Variants in PADI3 observed in about 807,000 individuals in gnomAD.
The protein encoded by PADI3 is protein-arginine deiminase type-3.
In PADI3, 53 loss-of-function variants were observed where a neutral mutation model predicts 71.5. That is an observed-to-expected ratio of 0.74 (90% CI 0.59 to 0.93). The LOEUF (loss-of-function observed/expected upper bound fraction) is 0.93, where lower values mean the gene tolerates loss of function less well. Among genes scored for constraint, PADI3 ranks in the 40% least tolerant of loss-of-function variants. The pLI, the probability that PADI3 is intolerant of heterozygous loss-of-function variation, is 0.00. For missense variants in PADI3, 821 were observed against 868.0 expected (o/e 0.95, Z 0.68); for synonymous variants, 361 against 347.5 (o/e 1.04, Z -0.43).
chr1:17,260,940 A>G (rs2073095267), intron 2 of PADI3, among the ~76,000 whole-genome samples: 1 of 151,238 alleles, frequency 6.6e-6, no homozygotes, highest in African/African-American at 2.4e-5. Flanking sequence ...GGAAGTTCAG[A>G]GTCTCTCCCA....
At chr1:17,275,298 G>A (rs371209438) in intron 11 of PADI3, among the ~76,000 whole-genome samples, 14 of 151,316 alleles carry the variant, frequency 9.3e-5, no homozygotes, top group East Asian at 1.9e-4. Context: ...TTAGCCAGGC[G>A]TGGTGGCAGG....
Position 17,267,916 on chromosome 1 carries a change from T to C in PADI3, c.606T>C (p.His202=). 6.2e-7 allele frequency: 1 copy of C among 1,614,182 alleles called. No homozygotes were observed. The highest frequency in any genetic ancestry group is 1.3e-5 in the African/African-American group (1 of 75,066). The stretch of plus-strand genomic sequence containing the variant: ...TTGATGACCACAAACTTGTCCTCCA[T>C]ACCTCCAGCTATGATGCCAAACGGG... The part of the protein sequence containing the change: ...ALFDDHKLVL[H]TSSYDAKRAQ... The change falls in exon 6 of 16, where the codon CAT becomes CAC. Residue 202 remains histidine (H), a synonymous_variant. Transcript: ENST00000375460.
chr1:17,279,287 C>A (rs553863572), intron 13 of PADI3, among the ~76,000 whole-genome samples: 2 of 152,284 alleles, frequency 1.3e-5, no homozygotes, highest in South Asian at 2.1e-4. Context: ...CACCTCAGTG[C>A]GCCAGGCCTC....
Position 17,283,286 on chromosome 1 carries a change from C to CTT in PADI3, c.*207_*208insTT, listed in dbSNP as rs2073424174. ...TGTGGTTCTCAGACTTGAATCTTCTCGGCCCCCCAAAAAGAAGGACCTCAT... is the reference window on the plus strand; with the variant it reads ...TGTGGTTCTCAGACTTGAATCTTCTCTTGGCCCCCCAAAAAGAAGGACCTCAT... On this transcript the variant is annotated 3_prime_UTR_variant, in exon 16 of 16. Transcript: ENST00000375460. 1.8e-6 allele frequency: 1 copy of CTT among 551,996 alleles called. No homozygotes were observed. The highest frequency in any genetic ancestry group is 2.4e-5 in the South Asian group (1 of 42,428). The allele number at this position is 551,996 out of a possible 1,614,324, so 34.2% of individuals were successfully genotyped here. A position where few individuals can be genotyped will look rare whatever the true frequency, so the allele number is the denominator to read the frequency against.
chr1:17,257,628 G>C (rs991963310), intron 1 of PADI3, among the ~76,000 whole-genome samples: 1 of 152,244 alleles, frequency 6.6e-6, no homozygotes, highest in Non-Finnish European at 1.5e-5. Flanking sequence ...GCCTGATGGA[G>C]AGAAGCTTGG....
chr1:17,268,684 T>C (rs544810935), intron 6 of PADI3, among the ~76,000 whole-genome samples: 4 of 151,714 alleles, frequency 2.6e-5, no homozygotes, highest in Non-Finnish European at 5.9e-5. Flanking sequence ...ATTTTTTGTA[T>C]TTTTAGTAGA....
chr1:17,269,044 C>T (rs2073210299), intron 6 of PADI3, among the ~76,000 whole-genome samples: 1 of 150,288 alleles, frequency 6.7e-6, no homozygotes, highest in Non-Finnish European at 1.5e-5. Flanking sequence ...TACCACCACA[C>T]CCTGCTAATT....
chr1:17,276,576 G>T lies in PADI3; in HGVS notation c.1365G>T (p.Val455=), dbSNP rs775508629. The change falls in exon 12 of 16, where the codon GTG becomes GTT. Residue 455 remains valine (V), a synonymous_variant. Coordinates refer to ENST00000375460, the MANE Select transcript of PADI3 (RefSeq NM_016233.2). ...GGGACTTCCTCCATGCCCAGAAGGT[G>T]CAGCCCCCCGTGGAGCTCTTTGTGG... ...VVRDFLHAQK[V]QPPVELFVDW... 6.2e-7 allele frequency: 1 copy of T among 1,614,194 alleles called. No homozygotes were observed. Among genetic ancestry groups the T allele is most frequent in the South Asian group, 1.1e-5 (1 of 91,084 alleles).
At chr1:17,252,701 G>A (rs555059434) in intron 1 of PADI3, among the ~76,000 whole-genome samples, 6 of 152,198 alleles carry the variant, frequency 3.9e-5, no homozygotes, top group African/African-American at 4.8e-5. Context: ...ACCGTGTCTG[G>A]CCCAGTTTCA....
At chr1:17,282,640 C>A (rs2073415146) in intron 15 of PADI3, among the ~76,000 whole-genome samples, 1 of 152,230 alleles carries the variant, frequency 6.6e-6, no homozygotes, top group South Asian at 2.1e-4. Context: ...GAGCACGTTG[C>A]CAGAGTGAGT....
intron 1 of PADI3, among the ~76,000 whole-genome samples, chr1:17,253,783 G>T (rs2072995040): frequency 6.6e-6 from 1 of 152,138 alleles, no homozygotes; most frequent in African/African-American, 2.4e-5. Flanking sequence ...CTGCCTAATG[G>T]AGCCAGGACT....
At chr1:17,280,491 G>C in intron 14 of PADI3, 62 bp downstream of exon 14, 1 of 1,514,032 alleles carries the variant, frequency 6.6e-7, no homozygotes, top group South Asian at 1.1e-5. Flanking sequence ...TGGAGGCAAG[G>C]ATGGGATACA....
Position 17,267,818 on chromosome 1 carries a change from A to G in PADI3, c.527-19A>G, listed in dbSNP as rs1365667797. ...GCCAGGACTCCCTTGAGTCACTACC[A>G]CTCTGTCTGGCTTCACAGACCTGGA... is the stretch of plus-strand genomic sequence containing the variant. On this transcript the variant is annotated intron_variant, in intron 5 of 15. Coordinates refer to ENST00000375460, the MANE Select transcript of PADI3 (RefSeq NM_016233.2). 6.2e-7 allele frequency: 1 copy of G among 1,612,412 alleles called. No individual in the cohort carries two copies.
Position 17,265,517 on chromosome 1 carries a change from G to A in PADI3, c.347-142G>A, listed in dbSNP as rs138813013. The A allele has an allele frequency of 1.8e-3, 1,296 of 728,424 alleles. 27 individuals are homozygous for A. In the East Asian group the frequency reaches 0.031, roughly 18 times the overall value. 45.1% of individuals were successfully genotyped at this position (728,424 alleles called of 1,614,324 possible). On this transcript the variant is annotated intron_variant, in intron 3 of 15. Transcript: ENST00000375460. ...CTCAGGCCTCTTTCCCCAGCCCAGA[G>A]GGTGCAGATGCCCTCACCTCTTGGA...
Position 17,283,051 on chromosome 1 carries a change from C to T in PADI3, c.1967C>T (p.Ser656Phe). The change falls in exon 16 of 16, where the codon TCT (serine) becomes TTT (phenylalanine). Residue 656 changes from serine to phenylalanine, a missense_variant. By Grantham distance (155) the Ser-to-Phe change is radical. Transcript: ENST00000375460. ...CGTNVCRKPFSFKWWNMVP is the reference protein window; with the variant it reads ...CGTNVCRKPFFFKWWNMVP Reference sequence around the variant, plus strand: ...ACCAATGTGTGCAGAAAGCCCTTCTCTTTCAAGTGGTGGAACATGGTGCCC... The same window carrying T: ...ACCAATGTGTGCAGAAAGCCCTTCTTTTTCAAGTGGTGGAACATGGTGCCC... 6.2e-7 allele frequency: 1 copy of T among 1,614,158 alleles called. No individual in the cohort carries two copies. The highest frequency in any genetic ancestry group is 1.1e-5 in the South Asian group (1 of 91,084).
At chr1:17,278,347 C>T (rs757884356) in intron 13 of PADI3, among the ~76,000 whole-genome samples, 2 of 152,130 alleles carry the variant, frequency 1.3e-5, no homozygotes, top group Non-Finnish European at 2.9e-5. Context: ...CCCACCGCAG[C>T]CTTGCGAGTA....
chr1:17,272,420 G>A (rs1404356570), intron 9 of PADI3, among the ~76,000 whole-genome samples: 1 of 152,194 alleles, frequency 6.6e-6, no homozygotes, highest in African/African-American at 2.4e-5. Context: ...TGGGTTTAGA[G>A]CCTGGCTGTG....
At chr1:17,282,799 G>C (rs764504407) in intron 15 of PADI3, 47 bp from the exon 16 acceptor site, 4 of 1,411,604 alleles carry the variant, frequency 2.8e-6, no homozygotes, top group Admixed American at 1.9e-5. Flanking sequence ...GTAGAGGTGT[G>C]GGGTGGGAGC....
chr1:17,252,434 A>C (rs1569873964), intron 1 of PADI3, among the ~76,000 whole-genome samples: 1 of 138,200 alleles, frequency 7.2e-6, no homozygotes, highest in African/African-American at 2.7e-5. Flanking sequence ...ACAGGGTCTC[A>C]CTCTGTTGCC....
Sources: allele counts gnomAD v4.1 joint callset (sites outside exome capture counted in the v4.1 genomes callset), GRCh38; gene constraint gnomAD v4.1.1; transcripts MANE v1.5; gene names NCBI Gene and HGNC (gene_info 2026-07-23, HGNC 2026-07-21).